CEP128: variants seen among roughly 807,000 people sequenced by gnomAD.
CEP128 encodes centrosomal protein 128kDa.
Under a neutral mutation model 156.7 loss-of-function variants are expected in CEP128, and 132 were observed. The observed-to-expected ratio is 0.84, with a 90% CI of 0.73 to 0.97. The LOEUF (loss-of-function observed/expected upper bound fraction) is 0.97. Ranked by LOEUF, CEP128 falls within the 50% of genes least tolerant of loss-of-function variation. The probability of loss-of-function intolerance (pLI) is 0.00; values close to 1 mark genes in which losing one functional copy is unlikely to be tolerated. For missense variants in CEP128, 1,252 were observed against 1,281.9 expected (o/e 0.98, Z 0.36); for synonymous variants, 469 against 448.9 (o/e 1.04, Z -0.57).
chr14:80,597,950 C>T (rs75226473), intron 19 of CEP128, among the ~76,000 whole-genome samples: 5 of 80,136 alleles, frequency 6.2e-5, no homozygotes, highest in Non-Finnish European at 1.2e-4. Flanking sequence ...TCCTCAGCTA[C>T]AAAAAAAAAA....
At chr14:80,595,430 C>T (rs1293983026) in intron 19 of CEP128, among the ~76,000 whole-genome samples, 5 of 152,008 alleles carry the variant, frequency 3.3e-5, no homozygotes, top group South Asian at 2.1e-4. Context: ...ATATAACAAA[C>T]CTGCATGTTC....
chr14:80,858,635 G>A (rs1271812088), intron 9 of CEP128, among the ~76,000 whole-genome samples: 31 of 147,244 alleles, frequency 2.1e-4, no homozygotes, highest in East Asian at 9.9e-4. Flanking sequence ...GAAAATTTTC[G>A]CAACCTACTC....
intron 19 of CEP128, among the ~76,000 whole-genome samples, chr14:80,718,538 G>A (rs1366896488): frequency 6.6e-6 from 1 of 152,192 alleles, no homozygotes; most frequent in African/African-American, 2.4e-5. Context: ...GAAACCGAAA[G>A]GACAGTGAGA....
intron 19 of CEP128, among the ~76,000 whole-genome samples, chr14:80,679,579 GT>G (rs1014585850): frequency 1.8e-3 from 273 of 152,240 alleles, no homozygotes; most frequent in African/African-American, 6.4e-3. Context: ...CTCAAACCCT[GT>G]TTCCTGTTAA....
intron 4 of CEP128, among the ~76,000 whole-genome samples, chr14:80,909,565 AT>A (rs1220364938): frequency 2.6e-5 from 4 of 152,216 alleles, no homozygotes; most frequent in African/African-American, 9.6e-5. Flanking sequence ...GAATAGGATG[AT>A]TTTTAAGGTC....
intron 19 of CEP128, among the ~76,000 whole-genome samples, chr14:80,716,495 C>T (rs759104109): frequency 6.6e-6 from 1 of 152,182 alleles, no homozygotes; most frequent in South Asian, 2.1e-4. Flanking sequence ...ATAAACAGAA[C>T]CACATAATAT....
intron 19 of CEP128, among the ~76,000 whole-genome samples, chr14:80,673,936 A>T (rs1280318508): frequency 6.6e-6 from 1 of 152,128 alleles, no homozygotes; most frequent in Non-Finnish European, 1.5e-5. Flanking sequence ...AGGAAATTGT[A>T]CCTCTGATTG....
chr14:80,933,001 G>A (rs1885555477), intron 2 of CEP128, among the ~76,000 whole-genome samples: 1 of 152,084 alleles, frequency 6.6e-6, no homozygotes, highest in Admixed American at 6.5e-5. Context: ...CATCCTGTGT[G>A]AGGATATCCA....
intron 19 of CEP128, among the ~76,000 whole-genome samples, chr14:80,727,603 G>A (rs556860318): frequency 6.6e-6 from 1 of 151,972 alleles, no homozygotes; most frequent in Non-Finnish European, 1.5e-5. Flanking sequence ...CAGAATAAAA[G>A]AAAATATTTG....
At chr14:80,741,701 T>C (rs1298239739) in intron 19 of CEP128, among the ~76,000 whole-genome samples, 1 of 152,182 alleles carries the variant, frequency 6.6e-6, no homozygotes, top group African/African-American at 2.4e-5. Context: ...ATTTCACTTA[T>C]AGATAGGTTA....
intron 12 of CEP128, 70 bp downstream of exon 12, chr14:80,836,135 G>C: frequency 6.3e-6 from 9 of 1,425,098 alleles, no homozygotes; most frequent in Non-Finnish European, 8.8e-6. Context: ...AGGATGAAAA[G>C]TATTTTCTAA....
chr14:80,809,000 C>A (rs1433909395), intron 13 of CEP128, among the ~76,000 whole-genome samples: 1 of 151,946 alleles, frequency 6.6e-6, no homozygotes, highest in Non-Finnish European at 1.5e-5. Flanking sequence ...AACAGTAATT[C>A]CCTAGCAAAC....
chr14:80,726,115 G>C (rs1378291253), intron 19 of CEP128, among the ~76,000 whole-genome samples: 2 of 152,100 alleles, frequency 1.3e-5, no homozygotes, highest in Non-Finnish European at 2.9e-5. Flanking sequence ...TTGTGGTTTA[G>C]AAACCAACAG....
At chr14:80,601,872 GCA>G (rs36027569) in intron 19 of CEP128, among the ~76,000 whole-genome samples, 93,356 of 151,756 alleles carry the variant, frequency 0.62, 30,236 homozygotes, top group African/African-American at 0.83. Context: ...TTCTTAAGTG[GCA>G]CACATAACTG....
chr14:80,775,002 A>T (rs1182795644), intron 16 of CEP128, among the ~76,000 whole-genome samples: 7 of 152,218 alleles, frequency 4.6e-5, no homozygotes, highest in Non-Finnish European at 1.0e-4. Context: ...GACCGTAGGC[A>T]GTCATTCCAT....
At chr14:80,844,446 T>C (rs1381385046) in intron 9 of CEP128, among the ~76,000 whole-genome samples, 1 of 152,228 alleles carries the variant, frequency 6.6e-6, no homozygotes, top group Non-Finnish European at 1.5e-5. Context: ...ATTGATACTA[T>C]TATGATACCA....
chr14:80,536,521 C>G (rs1209300487), intron 21 of CEP128, among the ~76,000 whole-genome samples: 1 of 152,156 alleles, frequency 6.6e-6, no homozygotes, highest in African/African-American at 2.4e-5. Context: ...CATTTGGAAA[C>G]AGATCCACTG....
chr14:80,741,384 A>C (rs1340147233), intron 19 of CEP128, among the ~76,000 whole-genome samples: 1 of 152,108 alleles, frequency 6.6e-6, no homozygotes, highest in Non-Finnish European at 1.5e-5. Flanking sequence ...GTTACCCCTT[A>C]TAACTGAAGA....
At chr14:80,502,719 A>C (rs867836937) in intron 24 of CEP128, among the ~76,000 whole-genome samples, 6 of 152,262 alleles carry the variant, frequency 3.9e-5, no homozygotes, top group Admixed American at 2.0e-4. Context: ...TATTCTTTAA[A>C]ACATCCTCTG....
Sources: gnomAD v4.1 joint callset for allele counts (sites outside exome capture counted in the v4.1 genomes callset) on GRCh38, gnomAD v4.1.1 for gene constraint, MANE v1.5 for transcripts, NCBI Gene and HGNC (gene_info 2026-07-23, HGNC 2026-07-21) for gene names.